LIFR: variants seen among roughly 807,000 people sequenced by gnomAD.
LIFR encodes leukemia inhibitory factor receptor.
In LIFR, 84 loss-of-function variants were observed where a neutral mutation model predicts 122.2. The observed-to-expected ratio is 0.69, with a 90% CI of 0.58 to 0.82. LIFR has a LOEUF of 0.82. LIFR is among the 40% of genes least tolerant of loss of function. The pLI is 0.00. For synonymous variants in LIFR, 422 were observed against 434.7 expected, an observed-to-expected ratio of 0.97 and a Z score of 0.36; for missense variants, 1,294 against 1,311.6, an observed-to-expected ratio of 0.99 and a Z score of 0.21.
At chr5:38,496,923 G>A (rs1428423426) in intron 12 of LIFR, among the ~76,000 whole-genome samples, 1 of 152,154 alleles carries the variant, frequency 6.6e-6, no homozygotes, top group Non-Finnish European at 1.5e-5. Flanking sequence ...GTTGCAGTGA[G>A]CCAAGATCAT....
intron 14 of LIFR, 75 bp downstream of exon 14, chr5:38,493,531 A>C (rs1744709776): frequency 7.2e-7 from 1 of 1,385,124 alleles, no homozygotes; most frequent in East Asian, 2.3e-5. Context: ...GAATCACTTC[A>C]CTGCACCCAG....
chr5:38,600,867 A>G (rs1173725733), intron 2 of LIFR, among the ~76,000 whole-genome samples: 2 of 152,006 alleles, frequency 1.3e-5, no homozygotes, highest in Non-Finnish European at 2.9e-5. Flanking sequence ...CTGCGGGAGG[A>G]AGCTGAATGC....
chr5:38,502,607 T>C, intron 11 of LIFR, 30 bp downstream of exon 11: 1 of 1,555,352 alleles, frequency 6.4e-7, no homozygotes, highest in African/African-American at 1.4e-5. Context: ...ACACAGTAAT[T>C]ATTAGCCATA....
chr5:38,588,406 G>A (rs1350483040), intron 1 of LIFR, among the ~76,000 whole-genome samples: 2 of 152,178 alleles, frequency 1.3e-5, no homozygotes, highest in Non-Finnish European at 2.9e-5. Context: ...GCAGGATGAT[G>A]AGACTGTCTA....
intron 1 of LIFR, among the ~76,000 whole-genome samples, chr5:38,577,194 C>T (rs1326832127): frequency 1.3e-5 from 2 of 152,172 alleles, no homozygotes; most frequent in African/African-American, 4.8e-5. Flanking sequence ...CTCATCCTGA[C>T]TTAATGTCTG....
chr5:38,489,409 A>C (rs1744454977), intron 15 of LIFR, among the ~76,000 whole-genome samples, 164 bp from the exon 16 acceptor site: 1 of 152,216 alleles, frequency 6.6e-6, no homozygotes, highest in Non-Finnish European at 1.5e-5. Flanking sequence ...TTTTTTTGTG[A>C]AGCTTACATA....
chr5:38,593,825 G>A lies in LIFR; in HGVS notation c.-20+1436C>T, dbSNP rs543825793. Among the ~76,000 whole-genome samples, 3 of 152,256 alleles carry A rather than the reference G, an allele frequency of 2.0e-5. No individual in the cohort carries two copies. The East Asian group carries it at 5.8e-4, about 29-fold the overall frequency. ...TATGTGAAGACATGATAAGAAAACG[G>A]TCCTCTAAGAACGAGGAAGTGGGTG... On this transcript the variant is annotated intron_variant, in intron 1 of 19. Coordinates refer to the LIFR transcript ENST00000263409.
chr5:38,479,437 T>C lies in LIFR; in HGVS notation c.*2158A>G, dbSNP rs1743873576. The C allele has an allele frequency of 4.3e-6, 1 of 230,590 alleles. No individual in the cohort carries two copies. Among genetic ancestry groups the C allele is most frequent in the Non-Finnish European group, 8.6e-6 (1 of 116,436 alleles). 14.3% of individuals were successfully genotyped at this position (230,590 alleles called of 1,614,324 possible). ...TTAAGAGCCCCAGTGATATTCATCA[T>C]TAACCAAACAAATGAGTCGTTATAT... is the stretch of plus-strand genomic sequence containing the variant. On this transcript the variant is annotated 3_prime_UTR_variant, in exon 20 of 20. Coordinates refer to ENST00000453190, the MANE Select transcript of LIFR (RefSeq NM_001127671.2).
At chr5:38,495,828 G>A (rs924526633) in intron 13 of LIFR, among the ~76,000 whole-genome samples, 4 of 152,052 alleles carry the variant, frequency 2.6e-5, no homozygotes, top group East Asian at 1.9e-4. Flanking sequence ...TTAAAGAAAG[G>A]CACTAAATTT....
intron 1 of LIFR, among the ~76,000 whole-genome samples, chr5:38,552,767 T>A (rs1023446235): frequency 2.0e-5 from 3 of 152,206 alleles, no homozygotes; most frequent in Non-Finnish European, 4.4e-5. Flanking sequence ...ACCGATTGGC[T>A]GATGTCAAAG....
rs1043724153 is a variant in LIFR, at chr5:38,556,570, G to GGCCGCC, written c.-262_-257dup. The GGCCGCC allele has an allele frequency of 6.7e-6, 1 of 149,572 alleles. No homozygotes were observed. The highest frequency in any genetic ancestry group is 2.0e-4 in the East Asian group (1 of 5,060). The allele number at this position is 149,572 out of a possible 1,614,324, so 9.3% of individuals were successfully genotyped here. A position where few individuals can be genotyped will look rare whatever the true frequency, so the allele number is the denominator to read the frequency against. On this transcript the variant is annotated 5_prime_UTR_variant, in exon 1 of 20. Transcript: ENST00000453190. The stretch of plus-strand genomic sequence containing the variant: ...CCCGCTGCGCTCCGCGAACCCCGCG[G>GGCCGCC]GCCGCCGCCGCCGCCAGAGCCTCCC...
chr5:38,501,980 T>C (rs566575899), intron 11 of LIFR, among the ~76,000 whole-genome samples: 269 of 130,230 alleles, frequency 2.1e-3, no homozygotes, highest in Non-Finnish European at 2.7e-3. Context: ...TTTTAGTAAT[T>C]GTTTTTTTTT....
At chr5:38,511,229 T>C (rs1206360473) in intron 6 of LIFR, among the ~76,000 whole-genome samples, 1 of 152,186 alleles carries the variant, frequency 6.6e-6, no homozygotes, top group East Asian at 1.9e-4. Flanking sequence ...GTCCCCTTCC[T>C]TCCTCTAATC....
intron 9 of LIFR, among the ~76,000 whole-genome samples, chr5:38,504,725 G>C (rs555731977): frequency 1.3e-5 from 2 of 152,320 alleles, no homozygotes; most frequent in East Asian, 1.9e-4. Context: ...TGGGAAATAA[G>C]GCTGAAATGG....
chr5:38,595,910 A>AT (rs1750085538), upstream of LIFR, among the ~76,000 whole-genome samples: 2 of 150,902 alleles, frequency 1.3e-5, no homozygotes, highest in African/African-American at 2.4e-5. Context: ...ATTTTTTTGC[A>AT]TTTTTTCAGT....
Position 38,562,279 on chromosome 5 carries a change from G to A in LIFR, c.-19-31613C>T, listed in dbSNP as rs111957033. On this transcript the variant is annotated intron_variant, in intron 1 of 19. Transcript: ENST00000263409. ...CTCTCCCATCTTCTTTTCCGCCTCC[G>A]TCTTCACGTATACCTCACTTCTTAG... Among the ~76,000 whole-genome samples the A allele has an allele frequency of 4.7e-4, 71 of 152,036 alleles. 1 individual carries two copies. Among genetic ancestry groups the A allele is most frequent in the African/African-American group, 1.7e-3 (69 of 41,468 alleles).
intron 4 of LIFR, 146 bp from the exon 5 acceptor site, chr5:38,523,728 C>G: frequency 1.5e-6 from 1 of 681,788 alleles, no homozygotes; most frequent in Non-Finnish European, 2.5e-6. Flanking sequence ...ACTCTAGAAC[C>G]CAGTAATAAG....
At chr5:38,607,801 T>C (rs891410159) in intron 1 of LIFR, 5 of 152,224 alleles carry the variant, frequency 3.3e-5, no homozygotes, top group African/African-American at 9.7e-5. Context: ...AAATCAGGAT[T>C]GTCTGAAGAC....
chr5:38,573,183 T>C (rs1008224487), intron 1 of LIFR, among the ~76,000 whole-genome samples: 6 of 152,228 alleles, frequency 3.9e-5, no homozygotes, highest in African/African-American at 1.4e-4. Context: ...ACCAACCAGA[T>C]ATTTGTGTTG....
Sources: allele counts gnomAD v4.1 joint callset (sites outside exome capture counted in the v4.1 genomes callset), GRCh38; gene constraint gnomAD v4.1.1; transcripts MANE v1.5; gene names NCBI Gene and HGNC (gene_info 2026-07-23, HGNC 2026-07-21).